SORCS3: variants seen among roughly 807,000 people sequenced by gnomAD.
SORCS3 encodes sortilin related VPS10 domain containing receptor 3.
Under a neutral mutation model 146.3 loss-of-function variants are expected in SORCS3, and 57 were observed. The observed-to-expected ratio is 0.39, with a 90% CI of 0.31 to 0.49. The LOEUF is 0.49. Among genes scored for constraint, SORCS3 ranks in the 20% least tolerant of loss-of-function variants. The probability of loss-of-function intolerance (pLI) is 0.92; values close to 1 mark genes in which losing one functional copy is unlikely to be tolerated. For synonymous variants in SORCS3, 653 were observed against 618.5 expected (o/e 1.06, Z -0.83); for missense variants, 1,341 against 1,575.5 (o/e 0.85, Z 2.52).
rs1221318305 is a variant in SORCS3 at position 105,049,524 on chromosome 10, C to T, written c.1028+6396C>T. ...ATATCCCTTAGGTGCACATTCCTTA[C>T]AACATGGAGGAGGGAGAATTGGTAA... On this transcript the variant is annotated intron_variant, in intron 5 of 26. Transcript: ENST00000369701. 2.0e-5 allele frequency among the ~76,000 whole-genome samples: 3 copies of T among 152,072 alleles called. No homozygotes were observed. In the South Asian group the frequency reaches 6.2e-4, roughly 32 times the overall value.
chr10:105,210,755 G>A (rs2056628685), intron 16 of SORCS3, among the ~76,000 whole-genome samples: 1 of 152,178 alleles, frequency 6.6e-6, no homozygotes, highest in Admixed American at 6.5e-5. Context: ...TTCAGAGAGG[G>A]TGAGTCATTG....
At chr10:104,907,513 G>A (rs953581177) in intron 2 of SORCS3, among the ~76,000 whole-genome samples, 11 of 152,198 alleles carry the variant, frequency 7.2e-5, no homozygotes, top group Non-Finnish European at 1.2e-4. Flanking sequence ...TACCTGAGAC[G>A]TGTGCTGGGA....
intron 20 of SORCS3, among the ~76,000 whole-genome samples, chr10:105,229,739 G>A (rs1055129050): frequency 5.9e-5 from 9 of 152,172 alleles, no homozygotes; most frequent in Admixed American, 5.2e-4. Flanking sequence ...GGGTCCTAGG[G>A]TAGCAGCAGT....
At chr10:104,782,998 C>G (rs757759104) in intron 1 of SORCS3, among the ~76,000 whole-genome samples, 1 of 152,174 alleles carries the variant, frequency 6.6e-6, no homozygotes, top group Non-Finnish European at 1.5e-5. Context: ...AAGACTAGAT[C>G]CTTCAAGATT....
intron 2 of SORCS3, among the ~76,000 whole-genome samples, chr10:104,901,950 G>A (rs1161292627): frequency 6.6e-6 from 1 of 152,154 alleles, no homozygotes; most frequent in Non-Finnish European, 1.5e-5. Flanking sequence ...TGCATCTTTG[G>A]AGCATAGATC....
intron 2 of SORCS3, among the ~76,000 whole-genome samples, chr10:104,889,121 CT>C (rs919439436): frequency 9.2e-5 from 14 of 151,384 alleles, no homozygotes; most frequent in Non-Finnish European, 1.5e-4. Flanking sequence ...TTAAGCTTTT[CT>C]TTTTTTTATT....
intron 6 of SORCS3, among the ~76,000 whole-genome samples, chr10:105,097,904 G>A (rs1564753201): frequency 6.6e-6 from 1 of 152,172 alleles, no homozygotes; most frequent in Non-Finnish European, 1.5e-5. Context: ...TTCTAGAAAT[G>A]TGCAGAATCA....
rs544244085 is a variant in SORCS3 at position 105,151,486 on chromosome 10, C to T, written c.1482+3690C>T. ...TAGAATAGGACATTACACCTGTTTCCCCTTGACTCAAAGGTTCAGAGATGT... is the reference window on the plus strand; with the variant it reads ...TAGAATAGGACATTACACCTGTTTCTCCTTGACTCAAAGGTTCAGAGATGT... On this transcript the variant is annotated intron_variant, in intron 9 of 26. Coordinates refer to ENST00000369701, the MANE Select transcript of SORCS3 (RefSeq NM_014978.3). 2.6e-5 allele frequency among the ~76,000 whole-genome samples: 4 copies of T among 152,198 alleles called. No homozygotes were observed. The South Asian group carries it at 8.3e-4, about 32-fold the overall frequency.
At chr10:105,113,274 C>A (rs1386133282) in intron 7 of SORCS3, among the ~76,000 whole-genome samples, 1 of 152,138 alleles carries the variant, frequency 6.6e-6, no homozygotes, top group Non-Finnish European at 1.5e-5. Flanking sequence ...AGGCTCAAAT[C>A]TTTTCTCTGC....
At chr10:105,036,695 T>G (rs2055308527) in intron 4 of SORCS3, among the ~76,000 whole-genome samples, 1 of 152,350 alleles carries the variant, frequency 6.6e-6, no homozygotes, top group South Asian at 2.1e-4. Flanking sequence ...GAGACTCTGG[T>G]TTCTTTCCTG....
intron 4 of SORCS3, among the ~76,000 whole-genome samples, chr10:105,006,509 A>G (rs9783190): frequency 0.23 from 35,001 of 152,032 alleles, 4,639 homozygotes; most frequent in African/African-American, 0.35. Context: ...CCACTAAAAT[A>G]TAAGTGGTAT....
chr10:104,705,224 CG>C lies in SORCS3; in HGVS notation c.627+63271del, dbSNP rs1194573557. Among the ~76,000 whole-genome samples the C allele has an allele frequency of 4.6e-3, 311 of 66,938 alleles. 1 individual carries two copies. The highest frequency in any genetic ancestry group is 0.013 in the African/African-American group (292 of 22,202). The allele number at this position is 66,938 out of a possible 152,430, so 43.9% of individuals were successfully genotyped here. A position where few individuals can be genotyped will look rare whatever the true frequency, so the allele number is the denominator to read the frequency against. On this transcript the variant is annotated intron_variant, in intron 1 of 26. Transcript: ENST00000369701. ...TCATCTTTTGATATGGGCAGGCCTT[CG>C]TTTTTTTTTTTTTTTTTTTAATTGG...
chr10:104,910,588 C>T (rs1023489497), intron 2 of SORCS3, among the ~76,000 whole-genome samples: 11 of 152,138 alleles, frequency 7.2e-5, no homozygotes, highest in African/African-American at 2.7e-4. Flanking sequence ...AACATATATC[C>T]TATGTGAGAA....
intron 5 of SORCS3, among the ~76,000 whole-genome samples, chr10:105,047,611 G>A (rs2055382414): frequency 1.3e-5 from 2 of 152,024 alleles, no homozygotes; most frequent in African/African-American, 4.8e-5. Flanking sequence ...CATACTATAA[G>A]TTCTATATCA....
intron 1 of SORCS3, among the ~76,000 whole-genome samples, chr10:104,654,442 T>A (rs2015600129): frequency 6.6e-6 from 1 of 152,248 alleles, no homozygotes; most frequent in Non-Finnish European, 1.5e-5. Context: ...GGGTTCCCTT[T>A]TCTCCATGTC....
intron 5 of SORCS3, among the ~76,000 whole-genome samples, chr10:105,082,487 T>C (rs2055632238): frequency 6.6e-6 from 1 of 152,230 alleles, no homozygotes. Context: ...GGATTACTAC[T>C]TAGCTCATTT....
intron 2 of SORCS3, among the ~76,000 whole-genome samples, chr10:104,888,295 C>A (rs1340175215): frequency 6.6e-6 from 1 of 152,160 alleles, no homozygotes; most frequent in Non-Finnish European, 1.5e-5. Context: ...TAGCTACCAC[C>A]AGAGCAAAGT....
rs2133231496 is a variant in SORCS3, at chr10:104,641,978, T to C, written c.627+24T>C. On this transcript the variant is annotated intron_variant, in intron 1 of 26. Coordinates refer to ENST00000369701, the MANE Select transcript of SORCS3 (RefSeq NM_014978.3). This position sits in a 1 kb window ranked among gnomAD's most constrained non-coding sequence, Gnocchi z 6.4. The stretch of plus-strand genomic sequence containing the variant: ...GCGTGAGTACCCACCCGGCGGCGGG[T>C]CCGCCTGTTTCCTGACACCGAAGGG... 8.8e-7 allele frequency: 1 copy of C among 1,135,754 alleles called. No homozygotes were observed. The highest frequency in any genetic ancestry group is 2.7e-5 in the Admixed American group (1 of 37,192). The allele number at this position is 1,135,754 out of a possible 1,614,324, so 70.4% of individuals were successfully genotyped here.
chr10:105,017,286 G>T (rs530841356), intron 4 of SORCS3, among the ~76,000 whole-genome samples: 10 of 151,716 alleles, frequency 6.6e-5, no homozygotes, highest in South Asian at 2.1e-4. Context: ...CCTGCCTTAG[G>T]GGGGCAGTTG....
Sources: gnomAD v4.1 joint callset for allele counts (sites outside exome capture counted in the v4.1 genomes callset) on GRCh38, gnomAD v4.1.1 for gene constraint, Gnocchi (gnomAD v3.1) non-coding constraint, MANE v1.5 for transcripts, NCBI Gene and HGNC (gene_info 2026-07-23, HGNC 2026-07-21) for gene names.